The following PCCB variants were observed in gnomAD, a reference collection of about 807,000 sequenced individuals.
PCCB encodes the protein propionyl-CoA carboxylase subunit beta.
Under a neutral mutation model 60.7 loss-of-function variants are expected in PCCB, and 43 were observed. The observed-to-expected ratio is 0.71, with a 90% CI of 0.55 to 0.91. The LOEUF (loss-of-function observed/expected upper bound fraction) is 0.91, where lower values mean the gene tolerates loss of function less well. Among genes scored for constraint, PCCB ranks in the 40% least tolerant of loss-of-function variants. The pLI is 0.00. For missense variants in PCCB, 766 were observed against 702.8 expected (o/e 1.09, Z -1.02); for synonymous variants, 276 against 255.9 (o/e 1.08, Z -0.75).
rs114618677 is a variant in PCCB, at chr3:136,297,817, T to C, written c.764-135T>C. ...GTATTATGTGGCATTACATCCTCAG[T>C]GGAGGGTGCAGAGAACAGAGCTATC... On this transcript the variant is annotated intron_variant, in intron 7 of 14. Transcript: ENST00000251654. 3.4e-3 allele frequency: 3,036 copies of C among 904,872 alleles called. 56 individuals are homozygous for C. The African/African-American group carries it at 0.042, about 13-fold the overall frequency. The allele number at this position is 904,872 out of a possible 1,614,324, so 56.1% of individuals were successfully genotyped here. A position where few individuals can be genotyped will look rare whatever the true frequency, so the allele number is the denominator to read the frequency against.
rs121964960 is a variant in PCCB, at chr3:136,262,024, G to A, written c.502G>A (p.Glu168Lys). 5.1e-6 allele frequency: 8 copies of A among 1,559,176 alleles called. No individual in the cohort carries two copies. Among genetic ancestry groups the A allele is most frequent in the Admixed American group, 1.9e-5 (1 of 51,482 alleles). Reference protein sequence around the residue: ...LNDSGGARIQEGVESLAGYAD... With the variant: ...LNDSGGARIQKGVESLAGYAD... ...TGACTCTGGGGGAGCACGGATCCAA[G>A]AAGGAGTGGAGTCTTTGGCTGGCTA... is the stretch of plus-strand genomic sequence containing the variant. Residue 168 changes from glutamate (E) to lysine (K), a missense_variant, in exon 5 of 15, where the codon GAA becomes AAA. Glu to Lys is a moderately conservative substitution (Grantham distance 56). Coordinates refer to ENST00000251654, the MANE Select transcript of PCCB (RefSeq NM_000532.5).
At chr3:136,254,698 A>G (rs1424245146) in intron 1 of PCCB, among the ~76,000 whole-genome samples, 1 of 145,890 alleles carries the variant, frequency 6.9e-6, no homozygotes, top group Admixed American at 6.9e-5. Flanking sequence ...ACTCCCAGCT[A>G]ATTTTTGTAT....
At chr3:136,274,181 C>A (rs1196214351) in intron 5 of PCCB, among the ~76,000 whole-genome samples, 1 of 151,428 alleles carries the variant, frequency 6.6e-6, no homozygotes, top group East Asian at 1.9e-4. Flanking sequence ...TTAGTTGTTA[C>A]TTACTTTGTT....
At chr3:136,299,763 TG>T (rs1239632693) in intron 8 of PCCB, among the ~76,000 whole-genome samples, 1 of 150,800 alleles carries the variant, frequency 6.6e-6, no homozygotes, top group Non-Finnish European at 1.5e-5. Context: ...TGTGTGTGTA[TG>T]TATAGGTATG....
chr3:136,314,432 ATTGCTCGAGC>A (rs1934798274), intron 9 of PCCB, among the ~76,000 whole-genome samples: 1 of 152,152 alleles, frequency 6.6e-6, no homozygotes, highest in Non-Finnish European at 1.5e-5. Context: ...AGGAGGGCGG[ATTGCTCGAGC>A]TTCGGAGTTT....
Position 136,326,502 on chromosome 3 carries a change from T to G in PCCB, c.1091-301T>G, listed in dbSNP as rs1029929723. ...CTCTCTAAGACCAGCCCTTGAATGC[T>G]GCCTCCCACTGATGGCTCCCTGCGG... On this transcript the variant is annotated intron_variant, in intron 10 of 14. Coordinates refer to ENST00000251654, the MANE Select transcript of PCCB (RefSeq NM_000532.5). The G allele has an allele frequency of 6.1e-6, 4 of 660,262 alleles. No homozygotes were observed. In the Admixed American group the frequency reaches 6.9e-5, roughly 11 times the overall value. The allele number at this position is 660,262 out of a possible 1,614,324, so 40.9% of individuals were successfully genotyped here.
At chr3:136,289,459 C>T (rs969382750) in intron 6 of PCCB, among the ~76,000 whole-genome samples, 17 of 152,162 alleles carry the variant, frequency 1.1e-4, no homozygotes, top group African/African-American at 4.1e-4. Flanking sequence ...CTCCTGATTT[C>T]TTTTGATTAG....
intron 10 of PCCB, among the ~76,000 whole-genome samples, chr3:136,324,005 T>C (rs1935206337): frequency 6.6e-6 from 1 of 151,894 alleles, no homozygotes; most frequent in Non-Finnish European, 1.5e-5. Context: ...TTTTTTTTTT[T>C]TGATATTTAA....
rs985476679 is a variant in PCCB, at chr3:136,302,616, A to C, written c.966+1505A>C. Reference sequence around the variant, plus strand: ...TTTAGGGTACATGTGCACAATGTGCAGGTTAGTTACATATGTATACATGTG... The same window carrying C: ...TTTAGGGTACATGTGCACAATGTGCCGGTTAGTTACATATGTATACATGTG... On this transcript the variant is annotated intron_variant, in intron 9 of 14. Coordinates refer to ENST00000251654, the MANE Select transcript of PCCB (RefSeq NM_000532.5). 1.7e-5 allele frequency among the ~76,000 whole-genome samples: 2 copies of C among 117,814 alleles called. 1 individual carries two copies. Among genetic ancestry groups the C allele is most frequent in the East Asian group, 1.3e-3 (2 of 1,572 alleles). 77.3% of individuals were successfully genotyped at this position (117,814 alleles called of 152,430 possible).
At chr3:136,265,292 G>C (rs1941956568) in intron 5 of PCCB, among the ~76,000 whole-genome samples, 1 of 152,160 alleles carries the variant, frequency 6.6e-6, no homozygotes, top group Non-Finnish European at 1.5e-5. Flanking sequence ...TTTTAGAGTT[G>C]TACAGCCATA....
chr3:136,257,964 G>A (rs917579931), intron 3 of PCCB, among the ~76,000 whole-genome samples: 12 of 152,056 alleles, frequency 7.9e-5, no homozygotes, highest in Admixed American at 6.6e-4. Flanking sequence ...GTTATACTTG[G>A]TTAATTTAAA....
At chr3:136,316,051 T>A (rs1350486947) in intron 9 of PCCB, among the ~76,000 whole-genome samples, 1 of 151,852 alleles carries the variant, frequency 6.6e-6, no homozygotes, top group African/African-American at 2.4e-5. Context: ...AGATCTCATC[T>A]CTACTAAAAA....
chr3:136,316,911 T>G, intron 9 of PCCB, 30 bp from the exon 10 acceptor site: 1 of 1,613,146 alleles, frequency 6.2e-7, no homozygotes, highest in Non-Finnish European at 8.5e-7. Flanking sequence ...CTTTACCATT[T>G]TGAGCTCAGA....
Position 136,295,941 on chromosome 3 carries a change from T to G in PCCB, c.764-2011T>G, listed in dbSNP as rs770351501. On this transcript the variant is annotated intron_variant, in intron 7 of 14. Coordinates refer to ENST00000251654, the MANE Select transcript of PCCB (RefSeq NM_000532.5). The stretch of plus-strand genomic sequence containing the variant: ...AAGTACGTTTTGTTTGTTTTTTGAT[T>G]GTAGGGCAGTATGTGGTTTTCTTTC... 7.2e-4 allele frequency among the ~76,000 whole-genome samples: 110 copies of G among 152,196 alleles called. 2 individuals carry two copies. The highest frequency in any genetic ancestry group is 7.9e-4 in the Non-Finnish European group (54 of 68,030).
chr3:136,300,215 T>A (rs1934211823), intron 8 of PCCB, among the ~76,000 whole-genome samples: 1 of 152,136 alleles, frequency 6.6e-6, no homozygotes, highest in Admixed American at 6.5e-5. Context: ...AGGACTTTAT[T>A]AGCAGATGGG....
chr3:136,302,541 T>C lies in PCCB; in HGVS notation c.966+1430T>C, dbSNP rs1484463224. Among the ~76,000 whole-genome samples, 3 of 120,942 alleles carry C rather than the reference T, an allele frequency of 2.5e-5. 1 individual carries two copies. The highest frequency in any genetic ancestry group is 9.9e-5 in the Admixed American group (1 of 10,118). The allele number at this position is 120,942 out of a possible 152,430, so 79.3% of individuals were successfully genotyped here. A position where few individuals can be genotyped will look rare whatever the true frequency, so the allele number is the denominator to read the frequency against. Reference sequence around the variant, plus strand: ...TTTTTCTGTCATTTATTTAGGGTTTTATTTTATTTATTTATTTTTATTTTA... The same window carrying C: ...TTTTTCTGTCATTTATTTAGGGTTTCATTTTATTTATTTATTTTTATTTTA... On this transcript the variant is annotated intron_variant, in intron 9 of 14. Coordinates refer to ENST00000251654, the MANE Select transcript of PCCB (RefSeq NM_000532.5).
chr3:136,251,299 C>T (rs1220280236), intron 1 of PCCB: 3 of 456,592 alleles, frequency 6.6e-6, no homozygotes, highest in South Asian at 4.6e-5. Context: ...AGAGGTGATC[C>T]CTGACTTGAA....
intron 5 of PCCB, among the ~76,000 whole-genome samples, chr3:136,279,766 C>G (rs1348470011): frequency 6.6e-6 from 1 of 152,032 alleles, no homozygotes; most frequent in Non-Finnish European, 1.5e-5. Context: ...CTCCCAGGTT[C>G]ACGCCATTCT....
chr3:136,307,807 C>T (rs1934500490), intron 9 of PCCB, among the ~76,000 whole-genome samples: 1 of 151,926 alleles, frequency 6.6e-6, no homozygotes, highest in African/African-American at 2.4e-5. Context: ...GAAACCCTAT[C>T]TCTACTGAAA....
Sources: gnomAD v4.1 joint callset for allele counts (sites outside exome capture counted in the v4.1 genomes callset) on GRCh38, gnomAD v4.1.1 for gene constraint, MANE v1.5 for transcripts, NCBI Gene and HGNC (gene_info 2026-07-23, HGNC 2026-07-21) for gene names.